Variants in PVT1 observed in about 807,000 individuals in gnomAD.
PVT1 encodes Pvt1 oncogene, also known as CXCR4/PVT1 fusion.
intron 3 of PVT1, among the ~76,000 whole-genome samples, chr8:127,921,854 G>GTTTTTTTGTTTTTTTGTTTTTTTTTTTT (rs1816063128): frequency 1.4e-5 from 1 of 71,906 alleles, no homozygotes; most frequent in Admixed American, 2.4e-4. Flanking sequence ...TTTGGTTCAT[G>GTTTTTTTGTTTTTTTGTTTTTTTTTTTT]TTTTTTTTTT....
chr8:127,821,660 A>AAATT (rs1366821418), intron 2 of PVT1, among the ~76,000 whole-genome samples: 1 of 152,054 alleles, frequency 6.6e-6, no homozygotes, highest in Non-Finnish European at 1.5e-5. Flanking sequence ...AATACACAAA[A>AAATT]AATTAGCTGG....
intron 4 of PVT1, among the ~76,000 whole-genome samples, chr8:128,021,346 C>T (rs969010461): frequency 3.9e-5 from 5 of 128,744 alleles, no homozygotes; most frequent in African/African-American, 1.5e-4. Flanking sequence ...CAGGCTGGAG[C>T]ACGGTGGCGC....
chr8:127,809,612 T>C (rs1814569004), intron 2 of PVT1, among the ~76,000 whole-genome samples: 1 of 152,200 alleles, frequency 6.6e-6, no homozygotes, highest in South Asian at 2.1e-4. Flanking sequence ...CTAGGTAATG[T>C]AGCAGAGATT....
chr8:127,841,305 G>T (rs958280119), intron 2 of PVT1, among the ~76,000 whole-genome samples: 11 of 152,044 alleles, frequency 7.2e-5, no homozygotes, highest in Non-Finnish European at 1.3e-4. Flanking sequence ...AGACAGTCTT[G>T]CTCTATCACC....
intron 3 of PVT1, among the ~76,000 whole-genome samples, chr8:127,958,719 C>G (rs937511642): frequency 6.6e-6 from 1 of 152,124 alleles, no homozygotes; most frequent in Non-Finnish European, 1.5e-5. Context: ...TGTGACTTGA[C>G]AGCTGCAATC....
At chr8:127,799,088 T>C (rs1040631752) in intron 2 of PVT1, among the ~76,000 whole-genome samples, 2 of 152,130 alleles carry the variant, frequency 1.3e-5, no homozygotes, top group Admixed American at 1.3e-4. Flanking sequence ...TATCTGTTTT[T>C]TTTTTCCTTT....
At chr8:127,933,969 A>G (rs983082509) in intron 3 of PVT1, among the ~76,000 whole-genome samples, 2 of 152,232 alleles carry the variant, frequency 1.3e-5, no homozygotes, top group African/African-American at 4.8e-5. Context: ...CCTCACAGCT[A>G]ACTCTCAACT....
intron 4 of PVT1, among the ~76,000 whole-genome samples, chr8:128,032,452 T>A (rs2130072789): frequency 6.6e-6 from 1 of 152,346 alleles, no homozygotes; most frequent in Non-Finnish European, 1.5e-5. Flanking sequence ...AGATGGTGGA[T>A]CACAGCTACC....
At chr8:127,893,580 G>A (rs1815638321) in intron 3 of PVT1, among the ~76,000 whole-genome samples, 1 of 152,218 alleles carries the variant, frequency 6.6e-6, no homozygotes, top group South Asian at 2.1e-4. Context: ...AGCACCCAGA[G>A]GGAAATCAAG....
chr8:128,014,145 AG>A (rs564301916), intron 4 of PVT1, among the ~76,000 whole-genome samples: 141 of 152,342 alleles, frequency 9.3e-4, no homozygotes, highest in African/African-American at 3.3e-3. Flanking sequence ...CGTCAAGGTG[AG>A]GGAATGTGTC....
At chr8:127,878,676 G>A (rs781611630) in intron 2 of PVT1, among the ~76,000 whole-genome samples, 26 of 152,166 alleles carry the variant, frequency 1.7e-4, no homozygotes, top group Non-Finnish European at 3.5e-4. Context: ...GAAGGCTATC[G>A]TGAGGTAACC....
chr8:127,957,571 AAAAAAAAAAAAAAAAG>A (rs1369245189), intron 3 of PVT1, among the ~76,000 whole-genome samples: 2 of 143,842 alleles, frequency 1.4e-5, no homozygotes, highest in Non-Finnish European at 1.5e-5. Context: ...CGTCTCAAAA[AAAAAAAAAAAAAAAAG>A]AAAAGAAAAG....
chr8:127,813,804 C>G (rs1814627539), intron 2 of PVT1, among the ~76,000 whole-genome samples: 1 of 152,182 alleles, frequency 6.6e-6, no homozygotes, highest in African/African-American at 2.4e-5. Context: ...ACGCAAACCA[C>G]ATGGAAACGA....
intron 2 of PVT1, among the ~76,000 whole-genome samples, chr8:127,869,548 G>A (rs1340572190): frequency 6.6e-6 from 1 of 152,136 alleles, no homozygotes; most frequent in Admixed American, 6.5e-5. Flanking sequence ...AAGGGACAAA[G>A]AAGATGGTAG....
intron 4 of PVT1, among the ~76,000 whole-genome samples, chr8:128,000,294 C>G (rs1030576151): frequency 2.0e-5 from 3 of 152,142 alleles, no homozygotes. Context: ...CCAGGCGTCC[C>G]AAACTCAATT....
chr8:128,099,151 C>T (rs555926024), intron 6 of PVT1, among the ~76,000 whole-genome samples: 2 of 152,340 alleles, frequency 1.3e-5, no homozygotes, highest in South Asian at 4.1e-4. Flanking sequence ...CTCACTCTGA[C>T]TCCTGTTCTC....
chr8:127,900,830 C>G (rs981336059), intron 3 of PVT1, among the ~76,000 whole-genome samples: 1 of 152,202 alleles, frequency 6.6e-6, no homozygotes, highest in African/African-American at 2.4e-5. Flanking sequence ...TAGGTTCCTT[C>G]CCTGAGAGCC....
chr8:127,984,897 CTT>C (rs1227961719), intron 3 of PVT1, among the ~76,000 whole-genome samples: 39 of 103,270 alleles, frequency 3.8e-4, no homozygotes, highest in Middle Eastern at 5.1e-3. Flanking sequence ...TTCTTTCTTT[CTT>C]TCTTTCTTTC....
At chr8:127,921,290 A>T (rs1379393323) in intron 3 of PVT1, among the ~76,000 whole-genome samples, 1 of 152,182 alleles carries the variant, frequency 6.6e-6, no homozygotes, top group Admixed American at 6.5e-5. Context: ...AAGAGAAAGG[A>T]AAGATGATGT....
Sources: gnomAD v4.1 joint callset for allele counts (sites outside exome capture counted in the v4.1 genomes callset) on GRCh38, gnomAD v4.1.1 for gene constraint, MANE v1.5 for transcripts, NCBI Gene and HGNC (gene_info 2026-07-23, HGNC 2026-07-21) for gene names.